Variants in EAF2 observed in about 807,000 individuals in gnomAD.
EAF2 encodes the protein ELL-associated factor 2.
In EAF2, 29 loss-of-function variants were observed where a neutral mutation model predicts 29.4. The observed-to-expected ratio is 0.99, with a 90% CI of 0.73 to 1.35. The LOEUF (loss-of-function observed/expected upper bound fraction) is 1.35. Ranked by LOEUF, EAF2 falls within the 40% of genes most tolerant of loss-of-function variation. The pLI is 0.00. For synonymous variants in EAF2, 103 were observed against 102.5 expected (o/e 1.00, Z -0.03); for missense variants, 292 against 312.0 (o/e 0.94, Z 0.48).
At chr3:121,840,422 C>T (rs1282558946) in intron 1 of EAF2, among the ~76,000 whole-genome samples, 12 of 130,494 alleles carry the variant, frequency 9.2e-5, no homozygotes, top group Admixed American at 1.8e-4. Flanking sequence ...ACCAGGGAGG[C>T]GGAGATTGTA....
chr3:121,862,139 A>G (rs959400940), intron 4 of EAF2, among the ~76,000 whole-genome samples: 2 of 152,076 alleles, frequency 1.3e-5, no homozygotes, highest in Non-Finnish European at 2.9e-5. Context: ...GAATCTGACA[A>G]TTATGTGTCT....
chr3:121,846,165 ACTCT>A (rs1254866455), intron 2 of EAF2, among the ~76,000 whole-genome samples: 1 of 151,728 alleles, frequency 6.6e-6, no homozygotes, highest in Non-Finnish European at 1.5e-5. Context: ...TAGCAAGTAA[ACTCT>A]CTATCCTCTC....
intron 2 of EAF2, among the ~76,000 whole-genome samples, chr3:121,851,547 A>C (rs898748071): frequency 2.0e-5 from 3 of 152,178 alleles, no homozygotes; most frequent in African/African-American, 7.2e-5. Flanking sequence ...ATTCATGTGA[A>C]CCAATTATAA....
chr3:121,835,246 G>A lies in EAF2; in HGVS notation c.-40G>A, dbSNP rs200075766. ...TTCAGGCTGAGGTGGCAGATAGTGA[G>A]CGCTGGTGGCGGAGTTAAAGTCAAA... On this transcript the variant is annotated 5_prime_UTR_variant, in exon 1 of 6. Transcript: ENST00000273668. 6.3e-7 allele frequency: 1 copy of A among 1,593,768 alleles called. No individual in the cohort carries two copies. The highest frequency in any genetic ancestry group is 8.6e-7 in the Non-Finnish European group (1 of 1,161,444).
chr3:121,843,599 A>G (rs1708470667), intron 1 of EAF2, among the ~76,000 whole-genome samples: 1 of 152,142 alleles, frequency 6.6e-6, no homozygotes, highest in African/African-American at 2.4e-5. Context: ...ACAGGGAACT[A>G]TATATCAGAA....
rs770533286 is a variant in EAF2 at position 121,835,247 on chromosome 3, C to A, written c.-39C>A. 1 of 1,591,788 alleles carries A rather than the reference C, an allele frequency of 6.3e-7. No homozygotes were observed. Among genetic ancestry groups the A allele is most frequent in the Non-Finnish European group, 8.6e-7 (1 of 1,159,660 alleles). The stretch of plus-strand genomic sequence containing the variant: ...TCAGGCTGAGGTGGCAGATAGTGAG[C>A]GCTGGTGGCGGAGTTAAAGTCAAAG... On this transcript the variant is annotated 5_prime_UTR_variant, in exon 1 of 6. Coordinates refer to ENST00000273668, the MANE Select transcript of EAF2 (RefSeq NM_018456.6).
chr3:121,843,403 G>A (rs1253067977), intron 1 of EAF2, among the ~76,000 whole-genome samples: 2 of 151,996 alleles, frequency 1.3e-5, no homozygotes, highest in African/African-American at 4.8e-5. Flanking sequence ...GGGCCTTTTT[G>A]TTAATATGAA....
chr3:121,872,863 T>C, intron 5 of EAF2, 75 bp downstream of exon 5: 1 of 1,534,860 alleles, frequency 6.5e-7, no homozygotes, highest in South Asian at 1.3e-5. Context: ...GACCTAATAT[T>C]TGGATAAAGA....
intron 5 of EAF2, among the ~76,000 whole-genome samples, chr3:121,885,358 T>C (rs1217031879): frequency 1.3e-5 from 2 of 152,240 alleles, no homozygotes; most frequent in Non-Finnish European, 2.9e-5. Context: ...GAGACTGCAT[T>C]AGACTTACAA....
chr3:121,836,703 A>T (rs1333468413), intron 1 of EAF2: 1 of 987,238 alleles, frequency 1.0e-6, no homozygotes, highest in Admixed American at 6.2e-5. Context: ...CTTCAGTCCC[A>T]TTTTCCGGAA....
chr3:121,865,572 TG>T (rs1220185071), intron 4 of EAF2, among the ~76,000 whole-genome samples: 1 of 152,100 alleles, frequency 6.6e-6, no homozygotes, highest in Non-Finnish European at 1.5e-5. Flanking sequence ...CTAGGTGCAG[TG>T]GCTTACACCT....
chr3:121,872,493 C>A, intron 4 of EAF2, 44 bp from the exon 5 acceptor site: 1 of 1,386,220 alleles, frequency 7.2e-7, no homozygotes, highest in South Asian at 1.5e-5. Flanking sequence ...ATTTATTTAG[C>A]ATTTTTTATT....
intron 5 of EAF2, among the ~76,000 whole-genome samples, chr3:121,882,542 T>G (rs74961383): frequency 6.6e-6 from 1 of 152,100 alleles, no homozygotes; most frequent in East Asian, 1.9e-4. Flanking sequence ...TGTTGAGCAC[T>G]CTATTGAATT....
At chr3:121,871,679 A>T (rs1709015665) in intron 4 of EAF2, among the ~76,000 whole-genome samples, 2 of 152,038 alleles carry the variant, frequency 1.3e-5, no homozygotes, top group South Asian at 4.1e-4. Flanking sequence ...TTAATGTAGC[A>T]GTGTACTAAG....
chr3:121,859,254 C>G (rs915085069), intron 4 of EAF2, among the ~76,000 whole-genome samples: 1 of 152,116 alleles, frequency 6.6e-6, no homozygotes, highest in Admixed American at 6.6e-5. Context: ...TATAAATTAC[C>G]TTGGACAGTA....
intron 5 of EAF2, among the ~76,000 whole-genome samples, chr3:121,876,053 C>T (rs1051399834): frequency 6.6e-6 from 1 of 151,888 alleles, no homozygotes; most frequent in Non-Finnish European, 1.5e-5. Flanking sequence ...TGAAGAAACC[C>T]ATGAATTTTT....
intron 3 of EAF2, among the ~76,000 whole-genome samples, 195 bp from the exon 4 acceptor site, chr3:121,856,816 T>C (rs1291527270): frequency 6.6e-6 from 1 of 152,174 alleles, no homozygotes; most frequent in East Asian, 1.9e-4. Flanking sequence ...TATCCCTCAA[T>C]GGACATGTGT....
intron 2 of EAF2, among the ~76,000 whole-genome samples, chr3:121,848,275 A>ATG (rs1708565824): frequency 1.3e-5 from 2 of 152,144 alleles, no homozygotes; most frequent in Non-Finnish European, 2.9e-5. Context: ...ATGTATGCAG[A>ATG]TGTGTCCATA....
intron 4 of EAF2, among the ~76,000 whole-genome samples, chr3:121,867,406 T>C (rs1708944619): frequency 6.6e-6 from 1 of 151,994 alleles, no homozygotes; most frequent in African/African-American, 2.4e-5. Flanking sequence ...AAGAAAGAAA[T>C]GACATATTAC....
Sources: allele counts gnomAD v4.1 joint callset (sites outside exome capture counted in the v4.1 genomes callset), GRCh38; gene constraint gnomAD v4.1.1; transcripts MANE v1.5; gene names NCBI Gene and HGNC (gene_info 2026-07-23, HGNC 2026-07-21).